The following LCLAT1 variants were observed in gnomAD, a reference collection of about 807,000 sequenced individuals.
LCLAT1 encodes 1-AGP acyltransferase 8.
LCLAT1 carries 11 observed loss-of-function variants against 30.7 expected under a neutral mutation model. That is an observed-to-expected ratio of 0.36 (90% CI 0.23 to 0.59). The LOEUF (loss-of-function observed/expected upper bound fraction) is 0.59, where lower values mean the gene tolerates loss of function less well. Ranked by LOEUF, LCLAT1 falls within the 20% of genes least tolerant of loss-of-function variation. The pLI is 0.77. For missense variants in LCLAT1, 402 were observed against 458.6 expected, an observed-to-expected ratio of 0.88 and a Z score of 1.13; for synonymous variants, 155 against 151.3, an observed-to-expected ratio of 1.02 and a Z score of -0.18.
chr2:30,588,191 C>T (rs1666525981), intron 5 of LCLAT1, among the ~76,000 whole-genome samples: 1 of 152,246 alleles, frequency 6.6e-6, no homozygotes, highest in Non-Finnish European at 1.5e-5. Context: ...ACGTTTTCAA[C>T]CCTCCAAGGG....
At chr2:30,590,130 T>C (rs1184266607) in intron 5 of LCLAT1, among the ~76,000 whole-genome samples, 1 of 152,158 alleles carries the variant, frequency 6.6e-6, no homozygotes, top group Non-Finnish European at 1.5e-5. Flanking sequence ...AGAAGTTTTT[T>C]AGAATCTGTT....
chr2:30,511,181 G>A lies in LCLAT1; in HGVS notation c.-4-14406G>A, dbSNP rs1402434949. Among the ~76,000 whole-genome samples, 5 of 152,104 alleles carry A rather than the reference G, an allele frequency of 3.3e-5. No individual in the cohort carries two copies. In the East Asian group the frequency reaches 9.6e-4, roughly 29 times the overall value. On this transcript the variant is annotated intron_variant, in intron 1 of 5. Transcript: ENST00000379509. ...CTTGTGAACTTTGGGCTTTACTGAG[G>A]GGTGATTTATGTGGGCTGTTTATTA...
At chr2:30,470,606 G>A (rs530559508) in intron 1 of LCLAT1, among the ~76,000 whole-genome samples, 1 of 152,316 alleles carries the variant, frequency 6.6e-6, no homozygotes, top group Non-Finnish European at 1.5e-5. Flanking sequence ...CTACGTTAGG[G>A]TTTTCTCACT....
chr2:30,616,118 A>G (rs899438872), intron 5 of LCLAT1, among the ~76,000 whole-genome samples: 1 of 152,158 alleles, frequency 6.6e-6, no homozygotes, highest in Non-Finnish European at 1.5e-5. Flanking sequence ...AAGCTGTCAC[A>G]CCATGTGCAC....
chr2:30,494,666 TCTTTTA>T (rs1684012879), intron 1 of LCLAT1, among the ~76,000 whole-genome samples: 1 of 151,280 alleles, frequency 6.6e-6, no homozygotes, highest in Admixed American at 6.6e-5. Flanking sequence ...TAGTAGGCAT[TCTTTTA>T]CTTTTTTTTT....
At chr2:30,604,660 CAAAAAAAAAAAA>C (rs71405526) in intron 5 of LCLAT1, among the ~76,000 whole-genome samples, 1 of 95,874 alleles carries the variant, frequency 1.0e-5, no homozygotes, top group African/African-American at 3.9e-5. Flanking sequence ...GACTCCGTCT[CAAAAAAAAAAAA>C]AAAAAAAAAA....
At position 30,539,433 on chromosome 2, in the gene LCLAT1, A is replaced by G. The variant is rs572670772; in HGVS notation, c.364+6119A>G. Among the ~76,000 whole-genome samples, 13 of 152,096 alleles carry G rather than the reference A, an allele frequency of 8.5e-5. 1 individual carries two copies. The East Asian group carries it at 2.5e-3, about 29-fold the overall frequency. On this transcript the variant is annotated intron_variant, in intron 3 of 5. Transcript: ENST00000379509. ...ACAATGATGCCTGGCTAATTTTTTT[A>G]AAAATGAAACTTTAGAGCCAAGCAT...
At chr2:30,562,086 A>G in intron 3 of LCLAT1, 60 bp from the exon 4 acceptor site, 5 of 1,225,836 alleles carry the variant, frequency 4.1e-6, no homozygotes, top group Middle Eastern at 1.9e-4. Flanking sequence ...ATTGTATTCA[A>G]TAATATGTGG....
At chr2:30,598,795 A>C in intron 5 of LCLAT1, among the ~76,000 whole-genome samples, 1 of 152,046 alleles carries the variant, frequency 6.6e-6, no homozygotes, top group East Asian at 1.9e-4. Context: ...TTAGTGCTAT[A>C]AATTTCCCTC....
chr2:30,467,170 A>G (rs1038766185), intron 1 of LCLAT1, among the ~76,000 whole-genome samples: 2 of 151,752 alleles, frequency 1.3e-5, no homozygotes, highest in African/African-American at 2.4e-5. Flanking sequence ...ATTCCCACCT[A>G]TGAGTGAGAA....
chr2:30,470,795 C>G (rs1204276949), intron 1 of LCLAT1, among the ~76,000 whole-genome samples: 1 of 152,080 alleles, frequency 6.6e-6, no homozygotes, highest in Non-Finnish European at 1.5e-5. Context: ...TCCATTTCTG[C>G]AAAAGTTATT....
In LCLAT1 at chr2:30,471,946, T is replaced by C. The variant is rs1682815893; in HGVS notation, c.-5+24563T>C. Among the ~76,000 whole-genome samples, 3 of 152,236 alleles carry C rather than the reference T, an allele frequency of 2.0e-5. No homozygotes were observed. The South Asian group carries it at 6.2e-4, about 31-fold the overall frequency. On this transcript the variant is annotated intron_variant, in intron 1 of 5. Coordinates refer to ENST00000379509, the MANE Select transcript of LCLAT1 (RefSeq NM_001002257.3). ...ATCATCCTTGTCTTATTCTTGATTT[T>C]AGGGGGAAAGCTTGTAGTCACTTTA...
chr2:30,468,503 A>T (rs1371763239), intron 1 of LCLAT1, among the ~76,000 whole-genome samples: 1 of 148,012 alleles, frequency 6.8e-6, no homozygotes, highest in Non-Finnish European at 1.5e-5. Context: ...GAAAAAAAAT[A>T]GCCATTTGAT....
chr2:30,526,763 G>A (rs530603114), intron 2 of LCLAT1, among the ~76,000 whole-genome samples: 3 of 152,270 alleles, frequency 2.0e-5, no homozygotes, highest in South Asian at 2.1e-4. Flanking sequence ...TGTCCTTGAG[G>A]AGATAATAGT....
At chr2:30,474,537 A>G (rs1161864821) in intron 1 of LCLAT1, among the ~76,000 whole-genome samples, 1 of 152,122 alleles carries the variant, frequency 6.6e-6, no homozygotes, top group Non-Finnish European at 1.5e-5. Flanking sequence ...CGTGTGCCAC[A>G]GATATTTGAG....
chr2:30,537,003 A>G (rs1204698489), intron 3 of LCLAT1, among the ~76,000 whole-genome samples: 2 of 148,998 alleles, frequency 1.3e-5, no homozygotes. Context: ...AAACACATAG[A>G]CTGAAATGAA....
chr2:30,524,544 A>T (rs2148382085), intron 1 of LCLAT1, among the ~76,000 whole-genome samples: 1 of 152,276 alleles, frequency 6.6e-6, no homozygotes, highest in Non-Finnish European at 1.5e-5. Context: ...GATGGGTTTT[A>T]AATTTGTGTG....
intron 3 of LCLAT1, among the ~76,000 whole-genome samples, chr2:30,541,806 A>T (rs1664150691): frequency 6.7e-6 from 1 of 148,710 alleles, no homozygotes; most frequent in South Asian, 2.1e-4. Context: ...TAACTTCCAT[A>T]CAATTTTTCC....
chr2:30,478,873 G>A (rs944238209), intron 1 of LCLAT1, among the ~76,000 whole-genome samples: 2 of 152,106 alleles, frequency 1.3e-5, no homozygotes, highest in Non-Finnish European at 2.9e-5. Flanking sequence ...GATTCAGATG[G>A]ACTTGCTGAC....
Sources: gnomAD v4.1 joint callset for allele counts (sites outside exome capture counted in the v4.1 genomes callset) on GRCh38, gnomAD v4.1.1 for gene constraint, MANE v1.5 for transcripts, NCBI Gene and HGNC (gene_info 2026-07-23, HGNC 2026-07-21) for gene names.